Variants in TARBP1 observed in about 807,000 individuals in gnomAD.
TARBP1 encodes tRNA (guanosine(18)-2'-O)-methyltransferase TARBP1.
Under a neutral mutation model 178.6 loss-of-function variants are expected in TARBP1, and 144 were observed. The ratio of observed to expected loss-of-function variants is 0.81; its 90% CI spans 0.70 to 0.93. TARBP1 has a LOEUF of 0.93. TARBP1 is among the 40% of genes least tolerant of loss of function. TARBP1 has a pLI of 0.00. For missense variants in TARBP1, 2,067 were observed against 2,011.7 expected, an observed-to-expected ratio of 1.03 and a Z score of -0.53; for synonymous variants, 787 against 781.0, an observed-to-expected ratio of 1.01 and a Z score of -0.13.
At chr1:234,449,783 G>A (rs898507506) in intron 10 of TARBP1, among the ~76,000 whole-genome samples, 3 of 152,156 alleles carry the variant, frequency 2.0e-5, no homozygotes, top group Non-Finnish European at 1.5e-5. Context: ...TGTTAAATTC[G>A]AAGATGCAAT....
chr1:234,395,423 A>G (rs908942126), intron 26 of TARBP1, among the ~76,000 whole-genome samples: 1 of 152,208 alleles, frequency 6.6e-6, no homozygotes, highest in Non-Finnish European at 1.5e-5. Flanking sequence ...AAGAGGGGCT[A>G]AAGAAGAGGA....
At chr1:234,448,693 T>C (rs1305169170) in intron 10 of TARBP1, 114 bp from the exon 11 acceptor site, 11 of 718,756 alleles carry the variant, frequency 1.5e-5, no homozygotes, top group African/African-American at 7.1e-5. Context: ...ATGAGAGAAA[T>C]ACAACCGAGA....
chr1:234,459,225 C>G lies in TARBP1; in HGVS notation c.1632+5G>C. The G allele has an allele frequency of 1.2e-6, 2 of 1,604,548 alleles. No individual in the cohort carries two copies. The highest frequency in any genetic ancestry group is 1.7e-6 in the Non-Finnish European group (2 of 1,176,886). On this transcript the variant is annotated splice_donor_5th_base_variant and intron_variant, in intron 8 of 29. Coordinates refer to ENST00000040877, the MANE Select transcript of TARBP1 (RefSeq NM_005646.4). ...GTAAATGGAAGTAACAAAAGAAAAA[C>G]TTACCACATCTAGCAAATTCATAGC... is the stretch of plus-strand genomic sequence containing the variant.
Position 234,393,651 on chromosome 1 carries a change from A to C in TARBP1, c.4430T>G (p.Leu1477Ter), listed in dbSNP as rs769725139. The C allele has an allele frequency of 6.2e-7, 1 of 1,604,818 alleles. No homozygotes were observed. Among genetic ancestry groups the C allele is most frequent in the Non-Finnish European group, 8.5e-7 (1 of 1,173,054 alleles). ...CCAGAAAACTCCAACTTTACCTCCT[A>C]AATTGGTCGGTTTGTCGATGAGCGA... Reference protein sequence around the residue: ...VASLIDKPTNLGGLCRTCEVF... With the variant: ...VASLIDKPTN Residue 1477 changes from leucine to a stop codon, truncating the protein, a stop_gained, in exon 27 of 30, where the codon TTA becomes TGA. Transcript: ENST00000040877. LOFTEE classifies it high-confidence loss of function.
intron 26 of TARBP1, among the ~76,000 whole-genome samples, chr1:234,396,738 G>C (rs554320361): frequency 1.2e-4 from 18 of 151,920 alleles, no homozygotes; most frequent in Non-Finnish European, 2.2e-4. Context: ...TTAAACTAAG[G>C]GTGGTTCCAG....
intron 9 of TARBP1, among the ~76,000 whole-genome samples, chr1:234,453,675 C>T (rs116676537): frequency 2.3e-4 from 35 of 152,064 alleles, no homozygotes; most frequent in African/African-American, 7.5e-4. Flanking sequence ...ATAATGAGAA[C>T]ACTACATAAC....
At chr1:234,426,989 G>A (rs1331441857) in intron 19 of TARBP1, among the ~76,000 whole-genome samples, 1 of 152,160 alleles carries the variant, frequency 6.6e-6, no homozygotes, top group Non-Finnish European at 1.5e-5. Flanking sequence ...AAAAGGACTG[G>A]AGAATAAAGT....
chr1:234,441,714 C>T (rs1224259288), intron 12 of TARBP1, among the ~76,000 whole-genome samples: 1 of 152,178 alleles, frequency 6.6e-6, no homozygotes, highest in Non-Finnish European at 1.5e-5. Flanking sequence ...CCCTTAACCC[C>T]TATTTTCTCC....
In TARBP1 at chr1:234,452,259, T is replaced by G. The variant is rs145292250; in HGVS notation, c.1723-1693A>C. Reference sequence around the variant, plus strand: ...TTACAATACAAGTCTCAAAAATCTATTTGGACACATAAAGAGAATGAGAGG... The same window carrying G: ...TTACAATACAAGTCTCAAAAATCTAGTTGGACACATAAAGAGAATGAGAGG... On this transcript the variant is annotated intron_variant, in intron 9 of 29. Transcript: ENST00000040877. 1.2e-4 allele frequency among the ~76,000 whole-genome samples: 18 copies of G among 152,202 alleles called. No individual in the cohort carries two copies. In the East Asian group the frequency reaches 3.1e-3, roughly 26 times the overall value.
intron 24 of TARBP1, 56 bp from the exon 25 acceptor site, chr1:234,401,318 G>T: frequency 1.5e-6 from 2 of 1,351,214 alleles, no homozygotes; most frequent in South Asian, 1.2e-5. Context: ...TCTGGTGAGG[G>T]GAGAATCAAT....
intron 20 of TARBP1, among the ~76,000 whole-genome samples, chr1:234,424,999 T>C (rs1663554899): frequency 6.6e-6 from 1 of 151,146 alleles, no homozygotes. Context: ...AGGCAGAGGT[T>C]GCAATGAGCC....
chr1:234,455,644 G>C (rs1053063955), intron 9 of TARBP1, among the ~76,000 whole-genome samples: 2 of 152,076 alleles, frequency 1.3e-5, no homozygotes, highest in Admixed American at 6.6e-5. Flanking sequence ...AGTACGATAA[G>C]GATCAAGGCA....
At position 234,433,407 on chromosome 1, in the gene TARBP1, T is replaced by C. The variant is rs771287878; in HGVS notation, c.2394+3A>G. 2 of 1,613,486 alleles carry C rather than the reference T, an allele frequency of 1.2e-6. No individual in the cohort carries two copies. The highest frequency in any genetic ancestry group is 3.3e-5 in the Admixed American group (2 of 59,742). On this transcript the variant is annotated splice_donor_region_variant and intron_variant, in intron 14 of 29. Coordinates refer to ENST00000040877, the MANE Select transcript of TARBP1 (RefSeq NM_005646.4). ...CTACAAACCTTGAATCAAAGAGGCT[T>C]ACCTGTCCACTGTCCATCTCTTGAA...
At position 234,437,381 on chromosome 1, in the gene TARBP1, G is replaced by C; in HGVS notation, c.2135-9C>G. The C allele has an allele frequency of 1.4e-6, 2 of 1,441,396 alleles. No homozygotes were observed. Among genetic ancestry groups the C allele is most frequent in the Non-Finnish European group, 1.9e-6 (2 of 1,057,676 alleles). 89.3% of individuals were successfully genotyped at this position (1,441,396 alleles called of 1,614,324 possible). A position where few individuals can be genotyped will look rare whatever the true frequency, so the allele number is the denominator to read the frequency against. ...AACAGTAGACACCTCATCTGTATGG[G>C]GGCAAAAAGCATGCAACTAAAATGA... On this transcript the variant is annotated splice_polypyrimidine_tract_variant and intron_variant, in intron 12 of 29. Transcript: ENST00000040877.
At position 234,393,242 on chromosome 1, in the gene TARBP1, A is replaced by G. The variant is rs1244866635; in HGVS notation, c.4560+120T>C. Reference sequence around the variant, plus strand: ...TATGCAAAAGGACTAATACACAAAGATAGAGCACTATAAAATATTTTTACA... The same window carrying G: ...TATGCAAAAGGACTAATACACAAAGGTAGAGCACTATAAAATATTTTTACA... On this transcript the variant is annotated intron_variant, in intron 28 of 29. Coordinates refer to ENST00000040877, the MANE Select transcript of TARBP1 (RefSeq NM_005646.4). 1.0e-5 allele frequency: 11 copies of G among 1,083,000 alleles called. No homozygotes were observed. The East Asian group carries it at 3.0e-4, about 30-fold the overall frequency. 67.1% of individuals were successfully genotyped at this position (1,083,000 alleles called of 1,614,324 possible). A position where few individuals can be genotyped will look rare whatever the true frequency, so the allele number is the denominator to read the frequency against.
At chr1:234,458,826 A>G (rs1041284218) in intron 8 of TARBP1, among the ~76,000 whole-genome samples, 7 of 152,232 alleles carry the variant, frequency 4.6e-5, no homozygotes, top group Non-Finnish European at 7.3e-5. Context: ...GTGACAACAC[A>G]GTGAAAGTCT....
At chr1:234,399,801 C>T (rs890432152) in intron 25 of TARBP1, among the ~76,000 whole-genome samples, 1 of 148,602 alleles carries the variant, frequency 6.7e-6, no homozygotes, top group Non-Finnish European at 1.5e-5. Flanking sequence ...AACCAAACAC[C>T]GCATATTCTC....
intron 12 of TARBP1, among the ~76,000 whole-genome samples, chr1:234,445,014 C>T (rs1466195571): frequency 1.3e-5 from 2 of 152,142 alleles, no homozygotes; most frequent in Non-Finnish European, 2.9e-5. Flanking sequence ...AAAAAACTTG[C>T]TATTTTACTC....
chr1:234,414,544 G>T (rs960323138), intron 22 of TARBP1, among the ~76,000 whole-genome samples: 2 of 152,178 alleles, frequency 1.3e-5, no homozygotes, highest in African/African-American at 4.8e-5. Context: ...AAAATGGTCA[G>T]CAGCATGCAT....
Sources: gnomAD v4.1 joint callset for allele counts (sites outside exome capture counted in the v4.1 genomes callset) on GRCh38, gnomAD v4.1.1 for gene constraint, MANE v1.5 for transcripts, NCBI Gene and HGNC (gene_info 2026-07-23, HGNC 2026-07-21) for gene names.